NT5M: variants seen among roughly 807,000 people sequenced by gnomAD.
The protein encoded by NT5M is 5',3'-nucleotidase, mitochondrial.
Under a neutral mutation model 22.2 loss-of-function variants are expected in NT5M, and 22 were observed. The ratio of observed to expected loss-of-function variants is 0.99; its 90% CI spans 0.71 to 1.41. NT5M has a LOEUF of 1.41. Among genes scored for constraint, NT5M ranks in the 40% most tolerant of loss-of-function variants. The pLI is 0.00. For synonymous variants in NT5M, 167 were observed against 133.0 expected, an observed-to-expected ratio of 1.26 and a Z score of -1.76; for missense variants, 322 against 314.8, an observed-to-expected ratio of 1.02 and a Z score of -0.17.
At chr17:17,334,601 G>C (rs113636881) in intron 3 of NT5M, among the ~76,000 whole-genome samples, 25,670 of 149,382 alleles carry the variant, frequency 0.17, 2,214 homozygotes, top group South Asian at 0.2. Flanking sequence ...TCAGCCTCCC[G>C]AGTAGCTGGG....
intron 2 of NT5M, among the ~76,000 whole-genome samples, chr17:17,307,707 T>A (rs1229962296): frequency 6.6e-6 from 1 of 152,088 alleles, no homozygotes; most frequent in Non-Finnish European, 1.5e-5. Context: ...ATATAAAAAC[T>A]TAGCTGGGCG....
chr17:17,330,288 A>T (rs1406499801), intron 3 of NT5M, among the ~76,000 whole-genome samples: 1 of 132,816 alleles, frequency 7.5e-6, no homozygotes, highest in Non-Finnish European at 1.6e-5. Context: ...TGACAGTCAG[A>T]CTCCGTCTCA....
At chr17:17,331,855 A>T (rs1157456066) in intron 3 of NT5M, among the ~76,000 whole-genome samples, 1 of 150,074 alleles carries the variant, frequency 6.7e-6, no homozygotes, top group African/African-American at 2.5e-5. Flanking sequence ...ATCTCTGCTC[A>T]CTGCAAGCTC....
intron 2 of NT5M, among the ~76,000 whole-genome samples, chr17:17,317,060 T>G (rs1280939619): frequency 6.7e-6 from 1 of 148,256 alleles, no homozygotes; most frequent in Non-Finnish European, 1.5e-5. Flanking sequence ...TTTTTGTTTT[T>G]TTTTTTTGAG....
intron 2 of NT5M, among the ~76,000 whole-genome samples, chr17:17,318,162 A>G (rs1304216723): frequency 6.6e-6 from 1 of 151,856 alleles, no homozygotes; most frequent in South Asian, 2.1e-4. Context: ...TAGCCACACA[A>G]TGGAATATGT....
At chr17:17,331,736 C>T (rs1361741917) in intron 3 of NT5M, among the ~76,000 whole-genome samples, 1 of 151,414 alleles carries the variant, frequency 6.6e-6, no homozygotes, top group African/African-American at 2.4e-5. Context: ...TAGATCAAGC[C>T]ATTCATTTTG....
chr17:17,325,755 T>G (rs1402271478), intron 3 of NT5M, among the ~76,000 whole-genome samples: 2 of 152,074 alleles, frequency 1.3e-5, no homozygotes, highest in African/African-American at 4.8e-5. Flanking sequence ...TCTGTGTGCT[T>G]CTCCAGCAGC....
intron 2 of NT5M, among the ~76,000 whole-genome samples, chr17:17,308,049 T>C (rs1344393421): frequency 2.0e-5 from 3 of 150,986 alleles, no homozygotes; most frequent in Non-Finnish European, 4.4e-5. Flanking sequence ...AAACTCTGTC[T>C]CAAAAAAAGA....
chr17:17,328,909 G>A (rs1033819422), intron 3 of NT5M, among the ~76,000 whole-genome samples: 4 of 152,130 alleles, frequency 2.6e-5, no homozygotes, highest in Admixed American at 2.0e-4. Context: ...GGTAGTATAC[G>A]TCTCCAAGGG....
intron 2 of NT5M, among the ~76,000 whole-genome samples, chr17:17,315,663 T>C (rs912625222): frequency 1.4e-5 from 2 of 143,858 alleles, no homozygotes; most frequent in South Asian, 2.2e-4. Context: ...CAGCTGGCAC[T>C]GGAACTTAGG....
rs2048860597 is a variant in NT5M, at chr17:17,308,609, T to A, written c.368+1966T>A. 2.0e-5 allele frequency among the ~76,000 whole-genome samples: 3 copies of A among 151,832 alleles called. No individual in the cohort carries two copies. The South Asian group carries it at 6.2e-4, about 32-fold the overall frequency. ...TCTGTCTCAAAAAAAAAAAGAGACA[T>A]ACCGTGCAGTCCACCCATTTGAAGT... On this transcript the variant is annotated intron_variant, in intron 2 of 4. Transcript: ENST00000389022.
In NT5M at chr17:17,303,430, C is replaced by G. The variant is rs2048722306; in HGVS notation, c.-121C>G. On this transcript the variant is annotated 5_prime_UTR_variant, in exon 1 of 5. Coordinates refer to ENST00000389022, the MANE Select transcript of NT5M (RefSeq NM_020201.4). ...CGCGCTCCCCGCCCCGCTCCCCGTC[C>G]CGCGCTCCACGCGCGCCCCAGCGTT... The G allele has an allele frequency of 1.0e-6, 1 of 989,618 alleles. No homozygotes were observed. Among genetic ancestry groups the G allele is most frequent in the Non-Finnish European group, 1.2e-6 (1 of 831,456 alleles). The allele number at this position is 989,618 out of a possible 1,614,324, so 61.3% of individuals were successfully genotyped here.
intron 3 of NT5M, among the ~76,000 whole-genome samples, chr17:17,331,222 C>T (rs1416838169): frequency 1.3e-5 from 2 of 151,542 alleles, no homozygotes; most frequent in Non-Finnish European, 2.9e-5. Context: ...GCTCCTGAAC[C>T]CCAGTGTCAC....
chr17:17,346,701 G>A, intron 4 of NT5M, 104 bp from the exon 5 acceptor site: 1 of 1,447,874 alleles, frequency 6.9e-7, no homozygotes, highest in Non-Finnish European at 9.4e-7. Context: ...GAGGAAACAA[G>A]TTTTGGCAAG....
intron 2 of NT5M, among the ~76,000 whole-genome samples, chr17:17,317,899 T>G (rs2049064663): frequency 7.1e-6 from 1 of 141,418 alleles, no homozygotes; most frequent in African/African-American, 2.6e-5. Context: ...GAGGTGGAGG[T>G]TGCAGTGAGC....
rs61422345 is a variant in NT5M, at chr17:17,318,785, C to CAAA, written c.369-4378_369-4376dup. 3.2e-3 allele frequency among the ~76,000 whole-genome samples: 129 copies of CAAA among 40,096 alleles called. 1 individual carries two copies. Among genetic ancestry groups the CAAA allele is most frequent in the East Asian group, 3.9e-3 (4 of 1,038 alleles). The allele number at this position is 40,096 out of a possible 152,430, so 26.3% of individuals were successfully genotyped here. A position where few individuals can be genotyped will look rare whatever the true frequency, so the allele number is the denominator to read the frequency against. On this transcript the variant is annotated intron_variant, in intron 2 of 4. Transcript: ENST00000389022. ...GGGCAACAAGAGCAGAACTCCGTCTCAAAAAAAAAAAAAAAAAAAAAAAAG... is the reference window on the plus strand; with the variant it reads ...GGGCAACAAGAGCAGAACTCCGTCTCAAAAAAAAAAAAAAAAAAAAAAAAAAAG...
At chr17:17,321,439 AGG>A (rs2049149238) in intron 2 of NT5M, among the ~76,000 whole-genome samples, 1 of 151,854 alleles carries the variant, frequency 6.6e-6, no homozygotes, top group Non-Finnish European at 1.5e-5. Context: ...TGCAGCAGGA[AGG>A]GAGGAAGAAG....
At chr17:17,339,266 A>AT (rs1226340275) in intron 3 of NT5M, among the ~76,000 whole-genome samples, 1 of 141,442 alleles carries the variant, frequency 7.1e-6, no homozygotes, top group Non-Finnish European at 1.6e-5. Flanking sequence ...TCCTTTCTTA[A>AT]TTTTTTTTCA....
intron 2 of NT5M, among the ~76,000 whole-genome samples, chr17:17,312,964 C>T (rs978151588): frequency 9.9e-5 from 15 of 151,674 alleles, no homozygotes; most frequent in African/African-American, 2.9e-4. Flanking sequence ...AGAGCAAGAC[C>T]CCGTCTCTTA....
Sources: gnomAD v4.1 joint callset for allele counts (sites outside exome capture counted in the v4.1 genomes callset) on GRCh38, gnomAD v4.1.1 for gene constraint, MANE v1.5 for transcripts, NCBI Gene and HGNC (gene_info 2026-07-23, HGNC 2026-07-21) for gene names.